The following ATP8B3 variants were observed in gnomAD, a reference collection of about 807,000 sequenced individuals.
ATP8B3 encodes phospholipid-transporting ATPase IK.
In ATP8B3, 141 loss-of-function variants were observed where a neutral mutation model predicts 140.9. The observed-to-expected ratio is 1.00, with a 90% CI of 0.87 to 1.15. ATP8B3 has a LOEUF of 1.15. Among genes scored for constraint, ATP8B3 ranks in the 50% most tolerant of loss-of-function variants. The pLI is 0.00. For synonymous variants in ATP8B3, 765 were observed against 714.6 expected (o/e 1.07, Z -1.13); for missense variants, 1,874 against 1,740.6 (o/e 1.08, Z -1.36).
intron 17 of ATP8B3, 39 bp from the exon 18 acceptor site, chr19:1,796,026 C>T (rs745351386): frequency 9.3e-6 from 15 of 1,611,678 alleles, no homozygotes; most frequent in African/African-American, 1.3e-5. Context: ...AGAGGCTCCC[C>T]GTCTGCCCGC....
chr19:1,802,158 CCTCACCCACCCATCA>C, intron 11 of ATP8B3, 114 bp from the exon 12 acceptor site: 1 of 657,004 alleles, frequency 1.5e-6, no homozygotes, highest in South Asian at 1.8e-5. Flanking sequence ...CCCATCCACC[CCTCACCCACCCATCA>C]CTCACCCATC....
chr19:1,788,087 A>C (rs1326467403), intron 24 of ATP8B3, among the ~76,000 whole-genome samples: 1 of 152,116 alleles, frequency 6.6e-6, no homozygotes, highest in Non-Finnish European at 1.5e-5. Context: ...ATATATACTT[A>C]CTAAGGGGTT....
At position 1,788,968 on chromosome 19, in the gene ATP8B3, A is replaced by T. The variant is rs745953920; in HGVS notation, c.2998T>A (p.Phe1000Ile). Residue 1000 changes from phenylalanine to isoleucine, a missense_variant, in exon 24 of 29, where the codon TTC becomes ATC. Physicochemically the swap from Phe to Ile is conservative, Grantham distance 21. This residue lies in a region of ATP8B3 where 840 missense variants were observed against 760.9 expected (regional missense o/e 1.10). Coordinates refer to ENST00000310127, the MANE Select transcript of ATP8B3 (RefSeq NM_138813.4). ...YVRICKFLRY[F>I]FYKSMASMMV... ...ATGCTGGCCATGCTCTTGTAGAAGA[A>T]GTAGCGCAGGAACTTGCAGATCCGC... 6.2e-7 allele frequency: 1 copy of T among 1,610,026 alleles called. No homozygotes were observed. Among genetic ancestry groups the T allele is most frequent in the Non-Finnish European group, 8.5e-7 (1 of 1,178,558 alleles).
In ATP8B3 at chr19:1,789,605, G is replaced by A. The variant is rs897545364; in HGVS notation, c.2601C>T (p.Ser867=). 18 of 1,592,844 alleles carry A rather than the reference G, an allele frequency of 1.1e-5. No homozygotes were observed. The highest frequency in any genetic ancestry group is 4.0e-5 in the African/African-American group (3 of 74,544). The change falls in exon 23 of 29, where the codon TCC becomes TCT. Residue 867 remains serine, a synonymous_variant. Transcript: ENST00000310127. The stretch of plus-strand genomic sequence containing the variant: ...GGAGCCCGAACCTCCGGCACAGCAG[G>A]GACAGGCGCCTGGCGTAGAGGAAAT... ...RRDFLYARRL[S]LLCRRFGLPL... is the part of the protein sequence containing the mutation.
Position 1,796,779 on chromosome 19 carries a change from C to G in ATP8B3, c.1685G>C (p.Arg562Pro). 6.2e-7 allele frequency: 1 copy of G among 1,612,466 alleles called. No homozygotes were observed. The highest frequency in any genetic ancestry group is 8.5e-7 in the Non-Finnish European group (1 of 1,179,640). Residue 562 changes from arginine to proline, a missense_variant, in exon 16 of 29, where the codon CGG (arginine) becomes CCG (proline). By Grantham distance (103) the Arg-to-Pro change is moderately radical. Transcript: ENST00000310127. ...GATGGCCAGCAGGCGCCAGAACTCC[C>G]GCACGGCCTCGTCCCCGTTGGTCCG... ...LVRTNGDEAV[R>P]EFWRLLAICH...
rs971696146 is a variant in ATP8B3, at chr19:1,794,749, G to T, written c.2055+1126C>A. 6.6e-6 allele frequency among the ~76,000 whole-genome samples: 1 copy of T among 152,148 alleles called. No individual in the cohort carries two copies. The highest frequency in any genetic ancestry group is 2.4e-5 in the African/African-American group (1 of 41,440). ...CAAGGCAGCACCTGAGAGTGGGGAA[G>T]TCACAAGCCAGAAACTGGGTCCTAG... On this transcript the variant is annotated intron_variant, in intron 18 of 28. Coordinates refer to ENST00000310127, the MANE Select transcript of ATP8B3 (RefSeq NM_138813.4). The surrounding 1 kb of genome is among the most constrained non-coding windows in gnomAD (Gnocchi z 4.8).
chr19:1,810,828 G>C, intron 2 of ATP8B3, 145 bp from the exon 3 acceptor site: 2 of 736,818 alleles, frequency 2.7e-6, no homozygotes, highest in South Asian at 4.0e-5. Context: ...GCCAGGCTCT[G>C]AATGTCCAGC....
chr19:1,797,467 T>TA (rs2068717439), intron 14 of ATP8B3, among the ~76,000 whole-genome samples: 1 of 139,536 alleles, frequency 7.2e-6, no homozygotes, highest in Non-Finnish European at 1.5e-5. Flanking sequence ...TTCTTTTTTA[T>TA]TTTTATTTAT....
rs1242631987 is a variant in ATP8B3, at chr19:1,796,278, G to T, written c.1754-13C>A. On this transcript the variant is annotated splice_polypyrimidine_tract_variant and intron_variant, in intron 16 of 28. Coordinates refer to ENST00000310127, the MANE Select transcript of ATP8B3 (RefSeq NM_138813.4). ...TACAACAGCTGGTCTGGTAGGGAGG[G>T]GGGCCATTTTGGGGTCACGTGGTGG... The T allele has an allele frequency of 3.1e-6, 5 of 1,598,052 alleles. No homozygotes were observed. Among genetic ancestry groups the T allele is most frequent in the East Asian group, 2.3e-5 (1 of 44,296 alleles).
At chr19:1,789,830 C>T (rs1372792831) in intron 22 of ATP8B3, 60 bp downstream of exon 22, 3 of 1,595,854 alleles carry the variant, frequency 1.9e-6, no homozygotes, top group Non-Finnish European at 2.6e-6. Flanking sequence ...CCGAGCCCGC[C>T]GCCCCTCCAG....
rs1032565542 is a variant in ATP8B3 at position 1,807,774 on chromosome 19, C to A, written c.516+448G>T. 6.6e-6 allele frequency among the ~76,000 whole-genome samples: 1 copy of A among 152,282 alleles called. No homozygotes were observed. Among genetic ancestry groups the A allele is most frequent in the Non-Finnish European group, 1.5e-5 (1 of 68,054 alleles). On this transcript the variant is annotated intron_variant, in intron 5 of 28. Transcript: ENST00000310127. This position sits in a 1 kb window ranked among gnomAD's most constrained non-coding sequence, Gnocchi z 5.9. ...AGAGTGTTTGCTCTGAAAACAGCGCCCCTGGCCGGATGCCGGCCCCACGCT... is the reference window on the plus strand; with the variant it reads ...AGAGTGTTTGCTCTGAAAACAGCGCACCTGGCCGGATGCCGGCCCCACGCT...
At position 1,796,778 on chromosome 19, in the gene ATP8B3, C is replaced by T; in HGVS notation, c.1686G>A (p.Arg562=). The change falls in exon 16 of 29, where the codon CGG becomes CGA. Residue 562 remains arginine (R), a synonymous_variant. Transcript: ENST00000310127. The stretch of plus-strand genomic sequence containing the variant: ...AGATGGCCAGCAGGCGCCAGAACTC[C>T]CGCACGGCCTCGTCCCCGTTGGTCC... ...LVRTNGDEAV[R]EFWRLLAICH... 6.2e-7 allele frequency: 1 copy of T among 1,612,474 alleles called. No homozygotes were observed. Among genetic ancestry groups the T allele is most frequent in the Non-Finnish European group, 8.5e-7 (1 of 1,179,644 alleles).
At position 1,792,117 on chromosome 19, in the gene ATP8B3, G is replaced by A. The variant is rs2068531130; in HGVS notation, c.2074C>T (p.Leu692=). Reference sequence around the variant, plus strand: ...CTGTAGGCCAGGCACAGTGTCCGCAGGGTCTCCTGGGCAAAGGCCTGGGGG... The same window carrying A: ...CTGTAGGCCAGGCACAGTGTCCGCAAGGTCTCCTGGGCAAAGGCCTGGGGG... ...EALAAFAQET[L]RTLCLAYREV... Residue 692 remains leucine, a synonymous_variant, in exon 19 of 29, where the codon CTG becomes TTG. Transcript: ENST00000310127. 1 of 1,578,780 alleles carries A rather than the reference G, an allele frequency of 6.3e-7. No homozygotes were observed. Among genetic ancestry groups the A allele is most frequent in the Non-Finnish European group, 8.6e-7 (1 of 1,168,806 alleles).
At chr19:1,802,072 C>A in intron 11 of ATP8B3, 28 bp from the exon 12 acceptor site, 1 of 1,073,302 alleles carries the variant, frequency 9.3e-7, no homozygotes. Context: ...TCTATCCACC[C>A]ACCCACCCAC....
rs2069131239 is a variant in ATP8B3, at chr19:1,809,665, C to T, written c.380G>A (p.Cys127Tyr). The T allele has an allele frequency of 6.2e-7, 1 of 1,610,394 alleles. No individual in the cohort carries two copies. The highest frequency in any genetic ancestry group is 1.3e-5 in the African/African-American group (1 of 74,884). The stretch of plus-strand genomic sequence containing the variant: ...CACCTTGTATTTCTTCCTTTGCCAG[C>T]ACAGGATCACCTTCTCCTTGAACTG... Reference protein sequence around the residue: ...NGQFKEKVILCWQRKKYKTNV... With the variant: ...NGQFKEKVILYWQRKKYKTNV... The change falls in exon 4 of 29, where the codon TGC becomes TAC. Residue 127 changes from cysteine (C) to tyrosine (Y), a missense_variant. Around this residue, in one of 3 missense-constraint regions of ATP8B3, gnomAD observed 1,032 missense variants for 963.6 expected, o/e 1.07. Coordinates refer to ENST00000310127, the MANE Select transcript of ATP8B3 (RefSeq NM_138813.4).
chr19:1,803,620 G>A (rs949333291), intron 10 of ATP8B3, among the ~76,000 whole-genome samples: 16 of 152,318 alleles, frequency 1.1e-4, no homozygotes, highest in Admixed American at 8.5e-4. Flanking sequence ...GAAGCCGGCC[G>A]GGTGCGGTGG....
rs369167085 is a variant in ATP8B3, at chr19:1,785,156, C to A, written c.3532+3G>T. ...CCCGTCCCACTTCCCCATGGGGGCT[C>A]ACACAGAAACGGGAAGGTCGTGGGG... On this transcript the variant is annotated splice_donor_region_variant and intron_variant, in intron 27 of 28. Coordinates refer to ENST00000310127, the MANE Select transcript of ATP8B3 (RefSeq NM_138813.4). The A allele has an allele frequency of 6.4e-7, 1 of 1,561,754 alleles. No individual in the cohort carries two copies. Among genetic ancestry groups the A allele is most frequent in the Non-Finnish European group, 8.7e-7 (1 of 1,155,060 alleles).
In ATP8B3 at chr19:1,782,978, C is replaced by T; in HGVS notation, c.*50G>A. The T allele has an allele frequency of 1.3e-6, 2 of 1,559,998 alleles. No homozygotes were observed. The highest frequency in any genetic ancestry group is 1.7e-6 in the Non-Finnish European group (2 of 1,152,222). On this transcript the variant is annotated 3_prime_UTR_variant, in exon 29 of 29. Transcript: ENST00000310127. Reference sequence around the variant, plus strand: ...CTGTACTTCCTGGGAGGACACCTGCCCCTGTGGCTGGTGCTTCTTCTTCCC... The same window carrying T: ...CTGTACTTCCTGGGAGGACACCTGCTCCTGTGGCTGGTGCTTCTTCTTCCC...
chr19:1,789,508 C>T lies in ATP8B3; in HGVS notation c.2698G>A (p.Val900Met), dbSNP rs1418753656. 6.3e-7 allele frequency: 1 copy of T among 1,598,120 alleles called. No individual in the cohort carries two copies. Among genetic ancestry groups the T allele is most frequent in the East Asian group, 2.2e-5 (1 of 44,728 alleles). The part of the protein sequence containing the change: ...SSEVLQERAF[V>M]DLASKCQAVI... Reference sequence around the variant, plus strand: ...GCCTGGCACTTGGACGCCAGGTCCACGAAGGCGCGCTCCTGCAGCACCTCG... The same window carrying T: ...GCCTGGCACTTGGACGCCAGGTCCATGAAGGCGCGCTCCTGCAGCACCTCG... The change falls in exon 23 of 29, where the codon GTG (valine) becomes ATG (methionine). Residue 900 changes from valine (V) to methionine (M), a missense_variant. Physicochemically the swap from Val to Met is conservative, Grantham distance 21. Coordinates refer to ENST00000310127, the MANE Select transcript of ATP8B3 (RefSeq NM_138813.4).
Sources: allele counts gnomAD v4.1 joint callset (sites outside exome capture counted in the v4.1 genomes callset), GRCh38; gene constraint gnomAD v4.1.1; regional missense constraint gnomAD v4.1.1; non-coding constraint Gnocchi (gnomAD v3.1); transcripts MANE v1.5; gene names NCBI Gene and HGNC (gene_info 2026-07-23, HGNC 2026-07-21).